Variants in CCDC171 observed in about 807,000 individuals in gnomAD.
The protein encoded by CCDC171 is coiled-coil domain-containing protein 171.
Under a neutral mutation model 168.2 loss-of-function variants are expected in CCDC171, and 177 were observed. The ratio of observed to expected loss-of-function variants is 1.05; its 90% CI spans 0.93 to 1.19. CCDC171 has a LOEUF of 1.19. CCDC171 is among the 50% of genes most tolerant of loss of function. The pLI, the probability that CCDC171 is intolerant of heterozygous loss-of-function variation, is 0.00. For missense variants in CCDC171, 1,991 were observed against 1,539.0 expected (o/e 1.29, Z -4.91); for synonymous variants, 687 against 540.8 (o/e 1.27, Z -3.75).
chr9:15,612,192 A>G (rs891062574), intron 6 of CCDC171, among the ~76,000 whole-genome samples: 2 of 152,144 alleles, frequency 1.3e-5, no homozygotes, highest in African/African-American at 4.8e-5. Context: ...GGCAGGCTGG[A>G]TGGACTAAGA....
At chr9:15,609,428 A>G (rs2043489082) in intron 6 of CCDC171, among the ~76,000 whole-genome samples, 2 of 152,158 alleles carry the variant, frequency 1.3e-5, no homozygotes, top group Admixed American at 6.6e-5. Flanking sequence ...ATTTTAATGT[A>G]GTTGAATTTA....
chr9:15,552,911 G>C (rs1005321931), upstream of CCDC171, among the ~76,000 whole-genome samples: 1 of 152,178 alleles, frequency 6.6e-6, no homozygotes, highest in African/African-American at 2.4e-5. Flanking sequence ...CTCAGCGAAG[G>C]CGCGCTGCTT....
At chr9:15,633,918 G>A (rs901465974) in intron 7 of CCDC171, among the ~76,000 whole-genome samples, 5 of 151,794 alleles carry the variant, frequency 3.3e-5, no homozygotes, top group African/African-American at 4.8e-5. Context: ...GTAAACTATC[G>A]CAAGAACAAC....
chr9:15,645,575 A>G (rs1417447446), intron 7 of CCDC171, among the ~76,000 whole-genome samples: 1 of 152,238 alleles, frequency 6.6e-6, no homozygotes, highest in African/African-American at 2.4e-5. Context: ...GCTGAAAACC[A>G]TGGCACGAGA....
chr9:15,581,169 C>T (rs1014227012), intron 4 of CCDC171, among the ~76,000 whole-genome samples: 2 of 152,136 alleles, frequency 1.3e-5, no homozygotes, highest in African/African-American at 4.8e-5. Context: ...CATGAGTGAA[C>T]TCCCATTCAC....
At position 15,744,393 on chromosome 9, in the gene CCDC171, C is replaced by G. The variant is rs771376201; in HGVS notation, c.2170C>G (p.Gln724Glu). ...ACTGTTATCACAGACTCAAAGGGAA[C>G]AGATGTCCTTGCTGGCAGCCTGTGC... is the stretch of plus-strand genomic sequence containing the variant. ...KKLLSQTQRE[Q>E]MSLLAACALM... Residue 724 changes from glutamine to glutamate, a missense_variant, in exon 17 of 26, where the codon CAG (glutamine) becomes GAG (glutamate). Coordinates refer to ENST00000380701, the MANE Select transcript of CCDC171 (RefSeq NM_173550.4). 8.1e-6 allele frequency: 13 copies of G among 1,614,028 alleles called. No individual in the cohort carries two copies. The highest frequency in any genetic ancestry group is 2.2e-5 in the East Asian group (1 of 44,882).
chr9:15,915,101 C>T (rs889606324), intron 24 of CCDC171, among the ~76,000 whole-genome samples: 2 of 12,968 alleles, frequency 1.5e-4, no homozygotes, highest in African/African-American at 2.1e-4. Flanking sequence ...AGACATCTTG[C>T]CAGGAATCCT....
intron 25 of CCDC171, among the ~76,000 whole-genome samples, chr9:15,965,099 C>T (rs900051913): frequency 4.6e-5 from 7 of 152,126 alleles, no homozygotes; most frequent in Non-Finnish European, 8.8e-5. Flanking sequence ...CTCAGTGCCT[C>T]ATTTTGTCTC....
At chr9:16,060,713 A>G (rs752983466) in exon 2 of CCDC171, 6 of 152,252 alleles carry the variant, frequency 3.9e-5, no homozygotes, top group African/African-American at 1.2e-4. Context: ...GGCTTTGTGA[A>G]GAAGGAAGTA....
At chr9:15,693,489 A>T (rs1429528507) in intron 10 of CCDC171, among the ~76,000 whole-genome samples, 1 of 152,124 alleles carries the variant, frequency 6.6e-6, no homozygotes, top group African/African-American at 2.4e-5. Context: ...AAAAAAACAG[A>T]CATTTACTCC....
At chr9:15,835,542 C>T (rs2060406356) in intron 21 of CCDC171, among the ~76,000 whole-genome samples, 1 of 152,060 alleles carries the variant, frequency 6.6e-6, no homozygotes, top group Admixed American at 6.5e-5. Context: ...ATTCTCCTGC[C>T]CCAGCTTCCC....
At position 15,658,374 on chromosome 9, in the gene CCDC171, A is replaced by C. The variant is rs547281260; in HGVS notation, c.915+1155A>C. On this transcript the variant is annotated intron_variant, in intron 8 of 25. Transcript: ENST00000380701. The stretch of plus-strand genomic sequence containing the variant: ...TATTGGTAGATAAAGGAAGGGAGTG[A>C]AGATAGGAGGCTGGGTGAAGAGATG... 1.1e-4 allele frequency among the ~76,000 whole-genome samples: 16 copies of C among 152,328 alleles called. No individual in the cohort carries two copies. The East Asian group carries it at 3.1e-3, about 29-fold the overall frequency.
At chr9:16,060,844 G>A (rs564487596) in exon 2 of CCDC171, 1 of 152,336 alleles carries the variant, frequency 6.6e-6, no homozygotes, top group African/African-American at 2.4e-5. Flanking sequence ...CTTTTCAAAA[G>A]CCAACACAAA....
intron 25 of CCDC171, chr9:15,922,229 A>C (rs1046483156): frequency 2.9e-6 from 1 of 343,806 alleles, no homozygotes; most frequent in Non-Finnish European, 6.4e-6. Context: ...ATGCTGCCCA[A>C]TTCCATGTCT....
At chr9:16,096,840 T>C in the CCDC171 span, among the ~76,000 whole-genome samples, 1 of 152,176 alleles carries the variant, frequency 6.6e-6, no homozygotes, top group Middle Eastern at 3.2e-3. Flanking sequence ...CCACACTTTG[T>C]AGATAGTACT....
chr9:16,014,195 C>A (rs1036053638), intron 3 of CCDC171, among the ~76,000 whole-genome samples: 1 of 152,216 alleles, frequency 6.6e-6, no homozygotes, highest in African/African-American at 2.4e-5. Context: ...CAGCAACATT[C>A]ACAGCATCTT....
rs751272691 is a variant in CCDC171, at chr9:15,594,190, A to C, written c.675+18A>C. The C allele has an allele frequency of 2.4e-6, 3 of 1,231,152 alleles. No individual in the cohort carries two copies. In the African/African-American group the frequency reaches 4.7e-5, roughly 19 times the overall value. 76.3% of individuals were successfully genotyped at this position (1,231,152 alleles called of 1,614,324 possible). A position where few individuals can be genotyped will look rare whatever the true frequency, so the allele number is the denominator to read the frequency against. ...TAGTACAGGTATTTTAAAAATAATC[A>C]GTTCCTTAAATATATATTTTTAATG... is the stretch of plus-strand genomic sequence containing the variant. On this transcript the variant is annotated intron_variant, in intron 6 of 25. Coordinates refer to ENST00000380701, the MANE Select transcript of CCDC171 (RefSeq NM_173550.4).
At chr9:16,053,794 G>A (rs1014308) in intron 1 of CCDC171, among the ~76,000 whole-genome samples, 36,336 of 152,182 alleles carry the variant, frequency 0.24, 4,741 homozygotes, top group Middle Eastern at 0.32. Context: ...CACAGGCTTT[G>A]CAGAGTGATG....
intron 9 of CCDC171, among the ~76,000 whole-genome samples, chr9:15,667,308 A>T (rs572207625): frequency 6.6e-6 from 1 of 152,272 alleles, no homozygotes; most frequent in Admixed American, 6.5e-5. Flanking sequence ...TGGCAAGTAG[A>T]TAATGGTTTT....
Sources: allele counts gnomAD v4.1 joint callset (sites outside exome capture counted in the v4.1 genomes callset), GRCh38; gene constraint gnomAD v4.1.1; transcripts MANE v1.5; gene names NCBI Gene and HGNC (gene_info 2026-07-23, HGNC 2026-07-21).